Variants in CTNNA3 observed in about 807,000 individuals in gnomAD.
The protein encoded by CTNNA3 is catenin alpha-3.
In CTNNA3, 76 loss-of-function variants were observed where a neutral mutation model predicts 95.7. The ratio of observed to expected loss-of-function variants is 0.79; its 90% CI spans 0.66 to 0.96. The LOEUF (loss-of-function observed/expected upper bound fraction) is 0.96, where lower values mean the gene tolerates loss of function less well. Ranked by LOEUF, CTNNA3 falls within the 40% of genes least tolerant of loss-of-function variation. CTNNA3 has a pLI of 0.00. For missense variants in CTNNA3, 1,191 were observed against 1,089.8 expected, an observed-to-expected ratio of 1.09 and a Z score of -1.31; for synonymous variants, 431 against 374.4, an observed-to-expected ratio of 1.15 and a Z score of -1.74.
At chr10:67,211,326 G>A (rs746833170) in intron 6 of CTNNA3, among the ~76,000 whole-genome samples, 27 of 151,010 alleles carry the variant, frequency 1.8e-4, no homozygotes, top group Admixed American at 3.3e-4. Context: ...GCTTGACATC[G>A]GGTCCATATA....
intron 7 of CTNNA3, among the ~76,000 whole-genome samples, chr10:67,146,612 A>G (rs1418110700): frequency 6.6e-6 from 1 of 152,246 alleles, no homozygotes; most frequent in Admixed American, 6.5e-5. Context: ...TTCATTCTGT[A>G]TAAAGGTAAG....
At chr10:66,653,177 C>A (rs1845968410) in intron 9 of CTNNA3, among the ~76,000 whole-genome samples, 2 of 152,048 alleles carry the variant, frequency 1.3e-5, no homozygotes, top group African/African-American at 4.8e-5. Context: ...AGTCAAATTG[C>A]CCCTCTTTGC....
rs533296023 is a variant in CTNNA3 at position 66,562,416 on chromosome 10, T to C, written c.1375-41643A>G. On this transcript the variant is annotated intron_variant, in intron 10 of 17. Coordinates refer to ENST00000433211, the MANE Select transcript of CTNNA3 (RefSeq NM_013266.4). ...AGATAGCCCAGCTGAGATTTCTAAC[T>C]CCCAAGTCCAGCTTTACTTTTCCAG... Among the ~76,000 whole-genome samples the C allele has an allele frequency of 1.1e-4, 17 of 152,252 alleles. 1 individual carries two copies. The highest frequency in any genetic ancestry group is 4.1e-4 in the African/African-American group (17 of 41,578).
chr10:66,634,615 C>T (rs893411032), intron 9 of CTNNA3, among the ~76,000 whole-genome samples: 116 of 127,666 alleles, frequency 9.1e-4, no homozygotes, highest in African/African-American at 3.9e-3. Flanking sequence ...GTGTCTGCAG[C>T]AGATATAAGG....
At chr10:66,552,094 G>A (rs1373333459) in intron 10 of CTNNA3, among the ~76,000 whole-genome samples, 1 of 151,640 alleles carries the variant, frequency 6.6e-6, no homozygotes, top group African/African-American at 2.4e-5. Context: ...TAGGAGAGAC[G>A]GGGTTTCATC....
At chr10:66,087,388 T>C (rs547024898) in intron 14 of CTNNA3, among the ~76,000 whole-genome samples, 1 of 152,262 alleles carries the variant, frequency 6.6e-6, no homozygotes, top group Admixed American at 6.5e-5. Flanking sequence ...CAACAAACTT[T>C]GGCTGTTTCC....
chr10:67,149,346 G>C (rs1483690744), intron 7 of CTNNA3, among the ~76,000 whole-genome samples: 1 of 152,140 alleles, frequency 6.6e-6, no homozygotes, highest in Non-Finnish European at 1.5e-5. Context: ...AGCACTTTGG[G>C]AGGCCGAGGC....
chr10:65,970,901 G>A (rs1180054104), intron 16 of CTNNA3, among the ~76,000 whole-genome samples: 1 of 150,964 alleles, frequency 6.6e-6, no homozygotes, highest in Non-Finnish European at 1.5e-5. Context: ...CTACAAAAAG[G>A]CTTAGATAGC....
At chr10:67,295,201 C>T (rs1839986176) in intron 5 of CTNNA3, among the ~76,000 whole-genome samples, 2 of 152,178 alleles carry the variant, frequency 1.3e-5, no homozygotes, top group East Asian at 3.9e-4. Flanking sequence ...TAATTAAATG[C>T]CTACTATCTG....
chr10:66,229,720 A>G (rs1239271104), intron 13 of CTNNA3, among the ~76,000 whole-genome samples: 2 of 149,198 alleles, frequency 1.3e-5, no homozygotes, highest in Admixed American at 6.7e-5. Context: ...GGTTGAATTT[A>G]TTTGTAATTT....
At chr10:67,726,957 T>C (rs1437210668) in intron 1 of CTNNA3, among the ~76,000 whole-genome samples, 1 of 115,292 alleles carries the variant, frequency 8.7e-6, no homozygotes, top group Non-Finnish European at 1.6e-5. Flanking sequence ...TTATATATTA[T>C]ATAATTATAT....
chr10:66,213,518 T>C (rs1310607126), intron 13 of CTNNA3, among the ~76,000 whole-genome samples: 1 of 152,222 alleles, frequency 6.6e-6, no homozygotes, highest in Non-Finnish European at 1.5e-5. Context: ...ATCTCCAGTA[T>C]ATTTTCATTA....
At chr10:66,788,310 G>A (rs1458196682) in intron 7 of CTNNA3, among the ~76,000 whole-genome samples, 1 of 152,098 alleles carries the variant, frequency 6.6e-6, no homozygotes, top group African/African-American at 2.4e-5. Context: ...CTCTGAGCAG[G>A]GTGATTTGGA....
At chr10:66,786,041 A>C (rs2132861491) in intron 7 of CTNNA3, among the ~76,000 whole-genome samples, 1 of 152,232 alleles carries the variant, frequency 6.6e-6, no homozygotes, top group Admixed American at 6.5e-5. Flanking sequence ...TGTCTACTGA[A>C]GACCACAACT....
chr10:65,935,991 C>A (rs1373824983), intron 17 of CTNNA3, among the ~76,000 whole-genome samples: 1 of 152,042 alleles, frequency 6.6e-6, no homozygotes, highest in Non-Finnish European at 1.5e-5. Context: ...TTTGCAACAG[C>A]ATGGAAAGAA....
At chr10:66,265,379 A>T (rs1261433163) in intron 13 of CTNNA3, among the ~76,000 whole-genome samples, 1 of 151,998 alleles carries the variant, frequency 6.6e-6, no homozygotes, top group Admixed American at 6.6e-5. Flanking sequence ...TGGAAAGTCA[A>T]CATTCAACAA....
chr10:66,116,140 T>G (rs111661533), intron 13 of CTNNA3, among the ~76,000 whole-genome samples: 1 of 152,208 alleles, frequency 6.6e-6, no homozygotes, highest in African/African-American at 2.4e-5. Flanking sequence ...GGCCTATTTG[T>G]AGAGGCAAGT....
chr10:66,713,538 G>A (rs1848359726), intron 9 of CTNNA3, among the ~76,000 whole-genome samples: 1 of 152,110 alleles, frequency 6.6e-6, no homozygotes, highest in Non-Finnish European at 1.5e-5. Flanking sequence ...ACAGTGTTGG[G>A]TTGCTGGTTC....
chr10:66,346,935 A>G (rs1333386076), intron 12 of CTNNA3, among the ~76,000 whole-genome samples: 1 of 151,978 alleles, frequency 6.6e-6, no homozygotes, highest in Non-Finnish European at 1.5e-5. Context: ...GAATGGGGCT[A>G]ATGTGGTCTG....
Sources: allele counts gnomAD v4.1 joint callset (sites outside exome capture counted in the v4.1 genomes callset), GRCh38; gene constraint gnomAD v4.1.1; transcripts MANE v1.5; gene names NCBI Gene and HGNC (gene_info 2026-07-23, HGNC 2026-07-21).